The following ACACA variants were observed in gnomAD, a reference collection of about 807,000 sequenced individuals.
ACACA encodes acetyl-CoA carboxylase 1.
Under a neutral mutation model 296.1 loss-of-function variants are expected in ACACA, and 103 were observed. That is an observed-to-expected ratio of 0.35 (90% CI 0.30 to 0.41). The LOEUF (loss-of-function observed/expected upper bound fraction) is 0.41. Ranked by LOEUF, ACACA falls within the 10% of genes least tolerant of loss-of-function variation. The pLI, the probability that ACACA is intolerant of heterozygous loss-of-function variation, is 1.00. For missense variants in ACACA, 1,554 were observed against 2,989.7 expected (o/e 0.52, Z 11.20); for synonymous variants, 953 against 1,038.6 (o/e 0.92, Z 1.58).
intron 39 of ACACA, among the ~76,000 whole-genome samples, chr17:37,182,795 C>T (rs2077375346): frequency 6.6e-6 from 1 of 152,128 alleles, no homozygotes; most frequent in African/African-American, 2.4e-5. Context: ...AATTAAGTAC[C>T]TTCCTAAATC....
intron 4 of ACACA, 119 bp from the exon 5 acceptor site, chr17:37,283,524 C>A: frequency 7.8e-7 from 1 of 1,285,690 alleles, no homozygotes; most frequent in Non-Finnish European, 1.1e-6. Flanking sequence ...TACTTTCAAC[C>A]AAGAATTCTT....
At chr17:37,228,196 T>G (rs1409761373) in intron 25 of ACACA, among the ~76,000 whole-genome samples, 1 of 148,464 alleles carries the variant, frequency 6.7e-6, no homozygotes, top group African/African-American at 2.5e-5. Context: ...CTGGGAAGGT[T>G]TCTCAAACCC....
At chr17:37,124,361 A>T (rs1034043249) in intron 48 of ACACA, among the ~76,000 whole-genome samples, 1 of 152,270 alleles carries the variant, frequency 6.6e-6, no homozygotes, top group Non-Finnish European at 1.5e-5. Context: ...TCTTCTAATC[A>T]TAAGTGTAAA....
intron 1 of ACACA, among the ~76,000 whole-genome samples, chr17:37,371,035 T>C (rs2049785694): frequency 6.6e-6 from 1 of 152,048 alleles, no homozygotes; most frequent in Non-Finnish European, 1.5e-5. Flanking sequence ...CATTCAAAAG[T>C]AAACAAAATA....
chr17:37,221,389 A>G (rs1381604629), intron 29 of ACACA: 1 of 355,504 alleles, frequency 2.8e-6, no homozygotes, highest in Non-Finnish European at 5.3e-6. Context: ...GCTGATTTAA[A>G]TTGTTAAAAA....
intron 3 of ACACA, among the ~76,000 whole-genome samples, chr17:37,310,866 T>C (rs1354215853): frequency 7.1e-6 from 1 of 141,642 alleles, no homozygotes; most frequent in Non-Finnish European, 1.5e-5. Flanking sequence ...AACCAAGCAA[T>C]GAAAGTATTC....
intron 1 of ACACA, chr17:37,377,878 G>C: frequency 6.2e-7 from 1 of 1,607,558 alleles, no homozygotes; most frequent in Non-Finnish European, 8.5e-7. Context: ...CTCACCCCCA[G>C]ACCTCAGAGA....
rs1169088763 is a variant in ACACA at position 37,353,637 on chromosome 17, T to TAAAAA, written c.39-13792_39-13788dup. On this transcript the variant is annotated intron_variant, in intron 1 of 55. Transcript: ENST00000616317. ...CTAGGCGACAGAGCAAGACTCCGTC[T>TAAAAA]AAAAAAAAAAAAAAAAAAAAAAAAA... 9.9e-4 allele frequency among the ~76,000 whole-genome samples: 56 copies of TAAAAA among 56,688 alleles called. 4 individuals carry two copies. The highest frequency in any genetic ancestry group is 1.5e-3 in the Non-Finnish European group (50 of 34,284). The allele number at this position is 56,688 out of a possible 152,430, so 37.2% of individuals were successfully genotyped here.
chr17:37,379,444 C>T, intron 1 of ACACA: 1 of 1,532,456 alleles, frequency 6.5e-7, no homozygotes, highest in Admixed American at 1.9e-5. Context: ...TTGAAGGCAG[C>T]CAGAACTCCG....
intron 3 of ACACA, among the ~76,000 whole-genome samples, chr17:37,291,768 CTGA>C (rs2083079647): frequency 6.6e-6 from 1 of 152,154 alleles, no homozygotes; most frequent in East Asian, 1.9e-4. Flanking sequence ...GAAAGAACAC[CTGA>C]TGATGTTATT....
At chr17:37,105,661 T>G (rs977653253) in intron 52 of ACACA, among the ~76,000 whole-genome samples, 1 of 151,788 alleles carries the variant, frequency 6.6e-6, no homozygotes, top group African/African-American at 2.4e-5. Context: ...GGTCGGGAGT[T>G]CAAGACCATC....
chr17:37,305,152 T>C (rs1168194041), intron 3 of ACACA, among the ~76,000 whole-genome samples: 2 of 152,176 alleles, frequency 1.3e-5, no homozygotes, highest in Non-Finnish European at 1.5e-5. Context: ...AAAAATTGAA[T>C]ATAACCTGTC....
Position 37,278,014 on chromosome 17 carries a change from G to A in ACACA, c.611-9C>T, listed in dbSNP as rs2082349368. 1 of 1,597,202 alleles carries A rather than the reference G, an allele frequency of 6.3e-7. No individual in the cohort carries two copies. The highest frequency in any genetic ancestry group is 1.3e-5 in the African/African-American group (1 of 74,684). On this transcript the variant is annotated splice_polypyrimidine_tract_variant and intron_variant, in intron 5 of 55. Coordinates refer to ENST00000616317, the MANE Select transcript of ACACA (RefSeq NM_198834.3). ...TGCCATCTTAATGTATTCTGAAAAT[G>A]CAAGCGAATTAATAGAGAACACATG...
chr17:37,300,367 A>T (rs2083561300), intron 3 of ACACA, among the ~76,000 whole-genome samples: 1 of 152,174 alleles, frequency 6.6e-6, no homozygotes, highest in South Asian at 2.1e-4. Flanking sequence ...TGCTCATGAT[A>T]TTCTGTGTAT....
At chr17:37,389,483 G>C in intron 1 of ACACA, 2 of 1,375,898 alleles carry the variant, frequency 1.5e-6, no homozygotes, top group Non-Finnish European at 1.9e-6. Context: ...GATCACCTGA[G>C]GTGATCGAGA....
intron 52 of ACACA, among the ~76,000 whole-genome samples, chr17:37,101,758 G>A (rs980093672): frequency 9.8e-5 from 15 of 152,286 alleles, no homozygotes; most frequent in African/African-American, 3.6e-4. Context: ...CCATTCAGAT[G>A]CAATTTCCTA....
intron 25 of ACACA, among the ~76,000 whole-genome samples, chr17:37,228,927 A>G (rs1373623195): frequency 6.6e-6 from 1 of 152,090 alleles, no homozygotes; most frequent in Non-Finnish European, 1.5e-5. Flanking sequence ...GCGGATCACG[A>G]GGTCAGGAGA....
chr17:37,126,792 G>A (rs1443115864), intron 47 of ACACA, among the ~76,000 whole-genome samples: 3 of 152,182 alleles, frequency 2.0e-5, no homozygotes, highest in African/African-American at 7.2e-5. Flanking sequence ...AGTGTAAAAT[G>A]TGATCATCCA....
chr17:37,154,928 T>C (rs932223324), intron 43 of ACACA, among the ~76,000 whole-genome samples: 1 of 152,204 alleles, frequency 6.6e-6, no homozygotes, highest in Non-Finnish European at 1.5e-5. Context: ...TAATAATCAA[T>C]GTTGGCAGGG....
Sources: gnomAD v4.1 joint callset for allele counts (sites outside exome capture counted in the v4.1 genomes callset) on GRCh38, gnomAD v4.1.1 for gene constraint, MANE v1.5 for transcripts, NCBI Gene and HGNC (gene_info 2026-07-23, HGNC 2026-07-21) for gene names.